Variants in COL11A1 observed in about 807,000 individuals in gnomAD.
COL11A1 encodes the protein collagen type XI alpha 1 chain, also known as collagen alpha-1(XI) chain.
Under a neutral mutation model 265.2 loss-of-function variants are expected in COL11A1, and 74 were observed. The ratio of observed to expected loss-of-function variants is 0.28; its 90% CI spans 0.23 to 0.34. COL11A1 has a LOEUF of 0.34. COL11A1 is among the 10% of genes least tolerant of loss of function. The probability of loss-of-function intolerance (pLI) is 1.00; values close to 1 mark genes in which losing one functional copy is unlikely to be tolerated. For missense variants in COL11A1, 2,165 were observed against 2,263.6 expected (o/e 0.96, Z 0.88); for synonymous variants, 816 against 727.6 (o/e 1.12, Z -1.96).
At chr1:102,985,027 A>T (rs1033328485) in intron 30 of COL11A1, among the ~76,000 whole-genome samples, 9 of 152,058 alleles carry the variant, frequency 5.9e-5, no homozygotes, top group Non-Finnish European at 1.3e-4. Flanking sequence ...AATTAAAAAA[A>T]AACACAGGTA....
At chr1:102,932,114 T>G (rs1325203379) in intron 46 of COL11A1, among the ~76,000 whole-genome samples, 1 of 151,642 alleles carries the variant, frequency 6.6e-6, no homozygotes, top group Non-Finnish European at 1.5e-5. Flanking sequence ...TATTGTTATG[T>G]GTGAATTTGA....
intron 22 of COL11A1, 129 bp from the exon 23 acceptor site, chr1:103,002,610 C>A: frequency 8.9e-7 from 1 of 1,124,826 alleles, no homozygotes; most frequent in South Asian, 1.3e-5. Context: ...GAAAATATTT[C>A]AAAATATTAA....
intron 4 of COL11A1, among the ~76,000 whole-genome samples, chr1:103,062,659 C>T (rs1318846134): frequency 6.6e-6 from 1 of 151,956 alleles, no homozygotes; most frequent in African/African-American, 2.4e-5. Context: ...AAACTAGGAA[C>T]AGAAGGACAT....
Position 102,888,762 on chromosome 1 carries a change from C to T in COL11A1, c.4519-4G>A. 3 of 1,613,896 alleles carry T rather than the reference C, an allele frequency of 1.9e-6. No individual in the cohort carries two copies. The highest frequency in any genetic ancestry group is 1.1e-5 in the South Asian group (1 of 91,074). On this transcript the variant is annotated splice_polypyrimidine_tract_variant and splice_region_variant and intron_variant, in intron 60 of 66. Transcript: ENST00000370096. Reference sequence around the variant, plus strand: ...TACCCTTTGGGCCTTGAGGACCCTACAAAATGCAAATGCAAAAGCACAGAT... The same window carrying T: ...TACCCTTTGGGCCTTGAGGACCCTATAAAATGCAAATGCAAAAGCACAGAT...
At position 103,108,026 on chromosome 1, in the gene COL11A1, T is replaced by G. The variant is rs1411741393; in HGVS notation, c.106+47A>C. On this transcript the variant is annotated intron_variant, in intron 1 of 66. Coordinates refer to ENST00000370096, the MANE Select transcript of COL11A1 (RefSeq NM_001854.4). ...AGTGGGGGGAGGGGCGCAGAAGCAGTAGGACCGACGGCAATCTCCCACCTC... is the reference window on the plus strand; with the variant it reads ...AGTGGGGGGAGGGGCGCAGAAGCAGGAGGACCGACGGCAATCTCCCACCTC... 2.2e-6 allele frequency: 3 copies of G among 1,393,620 alleles called. No individual in the cohort carries two copies. In the Admixed American group the frequency reaches 5.1e-5, roughly 24 times the overall value. 86.3% of individuals were successfully genotyped at this position (1,393,620 alleles called of 1,614,324 possible). A position where few individuals can be genotyped will look rare whatever the true frequency, so the allele number is the denominator to read the frequency against.
In COL11A1 at chr1:103,002,531, G is replaced by T. The variant is rs749611492; in HGVS notation, c.2044-50C>A. 3.0e-5 allele frequency: 44 copies of T among 1,486,210 alleles called. No homozygotes were observed. The African/African-American group carries it at 4.3e-4, about 14-fold the overall frequency. The allele number at this position is 1,486,210 out of a possible 1,614,324, so 92.1% of individuals were successfully genotyped here. ...TTTTAATGGGCTATATTACACAATA[G>T]ATTTTTGTTCTTCTCAATTGGAAAA... On this transcript the variant is annotated intron_variant, in intron 22 of 66. Coordinates refer to ENST00000370096, the MANE Select transcript of COL11A1 (RefSeq NM_001854.4).
chr1:102,962,067 T>C, intron 40 of COL11A1, 109 bp downstream of exon 40: 1 of 1,057,054 alleles, frequency 9.5e-7, no homozygotes, highest in Non-Finnish European at 1.4e-6. Flanking sequence ...TAATCAAATA[T>C]ATATGTTTAT....
chr1:102,965,118 G>A (rs1378824377), intron 38 of COL11A1, among the ~76,000 whole-genome samples: 1 of 152,024 alleles, frequency 6.6e-6, no homozygotes, highest in Non-Finnish European at 1.5e-5. Context: ...AAACCATGAA[G>A]TCATTTTATA....
intron 31 of COL11A1, among the ~76,000 whole-genome samples, chr1:102,980,607 A>C (rs1662944575): frequency 6.6e-6 from 1 of 150,950 alleles, no homozygotes; most frequent in Non-Finnish European, 1.5e-5. Context: ...ACTTCCCCAT[A>C]TATTAAGGGA....
intron 4 of COL11A1, among the ~76,000 whole-genome samples, chr1:103,060,756 G>A (rs1042497412): frequency 9.9e-5 from 15 of 152,030 alleles, no homozygotes; most frequent in Non-Finnish European, 2.2e-4. Context: ...GAACCCAGGA[G>A]TTTGAGACAA....
chr1:102,936,947 A>T (rs929988640), intron 44 of COL11A1, among the ~76,000 whole-genome samples: 3 of 152,150 alleles, frequency 2.0e-5, no homozygotes, highest in African/African-American at 7.2e-5. Flanking sequence ...GATTTTCTTC[A>T]TGCTTTCAAC....
At chr1:102,983,283 C>T (rs758811577) in intron 31 of COL11A1, among the ~76,000 whole-genome samples, 22 of 151,726 alleles carry the variant, frequency 1.4e-4, no homozygotes, top group African/African-American at 1.5e-4. Flanking sequence ...AGTGATGCAG[C>T]GAATTGAATG....
At chr1:103,006,526 A>ATTTTTTTTTTTTTTTTTTTTTTTTT (rs4013849) in intron 15 of COL11A1, among the ~76,000 whole-genome samples, 1 of 82,862 alleles carries the variant, frequency 1.2e-5, no homozygotes, top group Non-Finnish European at 2.1e-5. Context: ...AAATGGCTCC[A>ATTTTTTTTTTTTTTTTTTTTTTTTT]TTTTTTTTTT....
chr1:102,961,605 A>G (rs1182909504), intron 41 of COL11A1: 1 of 391,072 alleles, frequency 2.6e-6, no homozygotes, highest in East Asian at 5.1e-5. Context: ...ATGAGGATTT[A>G]TTTCCTTGGG....
At chr1:103,097,195 T>C (rs1673846759) in intron 1 of COL11A1, among the ~76,000 whole-genome samples, 1 of 152,018 alleles carries the variant, frequency 6.6e-6, no homozygotes, top group South Asian at 2.1e-4. Context: ...AGTTTCCTTG[T>C]ACTTTTTAAT....
intron 54 of COL11A1, among the ~76,000 whole-genome samples, chr1:102,904,661 A>T (rs2100968166): frequency 6.6e-6 from 1 of 152,198 alleles, no homozygotes; most frequent in East Asian, 1.9e-4. Context: ...AATGCAAATC[A>T]AAACCACAAT....
intron 36 of COL11A1, among the ~76,000 whole-genome samples, chr1:102,971,182 G>A (rs550641687): frequency 2.0e-5 from 3 of 152,244 alleles, no homozygotes; most frequent in African/African-American, 7.2e-5. Flanking sequence ...TGTCCTCTTG[G>A]AAGCATAATG....
At chr1:103,048,289 T>C (rs552217452) in intron 4 of COL11A1, among the ~76,000 whole-genome samples, 1 of 152,342 alleles carries the variant, frequency 6.6e-6, no homozygotes, top group Non-Finnish European at 1.5e-5. Context: ...GAGCCTGTTA[T>C]TGGTCTATTC....
chr1:102,922,171 G>A (rs1350642528), intron 47 of COL11A1, among the ~76,000 whole-genome samples: 1 of 152,070 alleles, frequency 6.6e-6, no homozygotes, highest in Non-Finnish European at 1.5e-5. Context: ...AGTCTACAGC[G>A]AATTTGTTTT....
Sources: allele counts gnomAD v4.1 joint callset (sites outside exome capture counted in the v4.1 genomes callset), GRCh38; gene constraint gnomAD v4.1.1; transcripts MANE v1.5; gene names NCBI Gene and HGNC (gene_info 2026-07-23, HGNC 2026-07-21).